CARMIL1: variants seen among roughly 807,000 people sequenced by gnomAD.
CARMIL1 encodes capping protein regulator and myosin 1 linker 1.
CARMIL1 carries 90 observed loss-of-function variants against 177.1 expected under a neutral mutation model. The observed-to-expected ratio is 0.51, with a 90% confidence interval of 0.43 to 0.61. CARMIL1 has a LOEUF of 0.61. Ranked by LOEUF, CARMIL1 falls within the 20% of genes least tolerant of loss-of-function variation. CARMIL1 has a pLI of 0.00. For missense variants in CARMIL1, 1,380 were observed against 1,667.0 expected (o/e 0.83, Z 3.00); for synonymous variants, 577 against 606.2 (o/e 0.95, Z 0.71).
intron 36 of CARMIL1, among the ~76,000 whole-genome samples, chr6:25,613,081 TAAA>T (rs918426403): frequency 2.0e-5 from 3 of 152,224 alleles, no homozygotes; most frequent in Admixed American, 6.5e-5. Flanking sequence ...AATATTGACT[TAAA>T]AATCTAAAAT....
At chr6:25,443,000 T>A (rs1228829740) in intron 5 of CARMIL1, among the ~76,000 whole-genome samples, 1 of 152,212 alleles carries the variant, frequency 6.6e-6, no homozygotes, top group East Asian at 1.9e-4. Context: ...CAGCTTCCGG[T>A]CAAAGATTTT....
intron 8 of CARMIL1, among the ~76,000 whole-genome samples, chr6:25,462,319 C>T (rs1027593365): frequency 6.6e-6 from 1 of 152,142 alleles, no homozygotes; most frequent in African/African-American, 2.4e-5. Context: ...TCTGAGGGCT[C>T]AGTAACATCC....
At chr6:25,581,130 G>A (rs551175381) in intron 30 of CARMIL1, 113 bp from the exon 31 acceptor site, 3 of 1,269,660 alleles carry the variant, frequency 2.4e-6, no homozygotes, top group South Asian at 2.7e-5. Flanking sequence ...CTGTGAATGT[G>A]TGTTTGCTAT....
Position 25,451,906 on chromosome 6 carries a change from A to G in CARMIL1, c.614+1195A>G, listed in dbSNP as rs1439494433. 3.5e-5 allele frequency: 19 copies of G among 541,868 alleles called. 1 individual carries two copies. Among genetic ancestry groups the G allele is most frequent in the Non-Finnish European group, 6.3e-5 (19 of 301,280 alleles). The allele number at this position is 541,868 out of a possible 1,614,324, so 33.6% of individuals were successfully genotyped here. ...GGGAGAGAAATCTGGGATTCCAGCT[A>G]TATCATTTGTGCCATTTGGACAACT... On this transcript the variant is annotated intron_variant, in intron 8 of 36. Coordinates refer to ENST00000329474, the MANE Select transcript of CARMIL1 (RefSeq NM_017640.6).
chr6:25,447,922 G>C (rs1798393361), intron 5 of CARMIL1, among the ~76,000 whole-genome samples: 1 of 151,748 alleles, frequency 6.6e-6, no homozygotes. Context: ...TGCTCCTTCT[G>C]TCCACACTGT....
intron 5 of CARMIL1, among the ~76,000 whole-genome samples, chr6:25,449,664 G>T (rs1309883209): frequency 6.6e-6 from 1 of 152,118 alleles, no homozygotes; most frequent in Non-Finnish European, 1.5e-5. Context: ...ATAACATGGA[G>T]ACTGCATTGC....
chr6:25,581,050 C>A, intron 30 of CARMIL1, 60 bp downstream of exon 30: 1 of 1,513,276 alleles, frequency 6.6e-7, no homozygotes, highest in Non-Finnish European at 9.0e-7. Context: ...TCAGCAAGAC[C>A]TTAGACCATT....
At chr6:25,390,304 ATATATATATATATATATT>A (rs1480581920) in intron 2 of CARMIL1, among the ~76,000 whole-genome samples, 1 of 36,176 alleles carries the variant, frequency 2.8e-5, no homozygotes, top group Non-Finnish European at 7.1e-5. Flanking sequence ...ATATATATAT[ATATATATATATATATATT>A]TTTTTTTTTT....
chr6:25,550,890 T>C lies in CARMIL1; in HGVS notation c.2329-20T>C. 4 of 1,607,880 alleles carry C rather than the reference T, an allele frequency of 2.5e-6. No individual in the cohort carries two copies. Among genetic ancestry groups the C allele is most frequent in the Admixed American group, 3.4e-5 (2 of 59,496 alleles). On this transcript the variant is annotated intron_variant, in intron 26 of 36. Transcript: ENST00000329474. The stretch of plus-strand genomic sequence containing the variant: ...GGTGCAGTGTCATCATCTCTTCCCT[T>C]CACTTGTGCTGCATTGCAGGCGTTG...
chr6:25,462,057 C>A (rs1800166802), intron 8 of CARMIL1, among the ~76,000 whole-genome samples: 1 of 152,022 alleles, frequency 6.6e-6, no homozygotes, highest in African/African-American at 2.4e-5. Context: ...GTTCTTTATG[C>A]ATTTTGGATA....
intron 17 of CARMIL1, chr6:25,507,382 T>C (rs188310469): frequency 0.017 from 2,578 of 152,712 alleles, 54 homozygotes; most frequent in South Asian, 0.1. Context: ...TTTGCTTTTT[T>C]ACATTTTGTA....
intron 2 of CARMIL1, among the ~76,000 whole-genome samples, chr6:25,291,615 C>T (rs1339093279): frequency 1.3e-5 from 2 of 152,102 alleles, no homozygotes; most frequent in African/African-American, 2.4e-5. Flanking sequence ...CAGCCTTGGC[C>T]AGTGGTTTTC....
intron 11 of CARMIL1, among the ~76,000 whole-genome samples, chr6:25,473,097 C>T (rs1396886135): frequency 6.6e-6 from 1 of 152,188 alleles, no homozygotes; most frequent in Non-Finnish European, 1.5e-5. Context: ...CCATGTGACC[C>T]CCCTATCTCA....
chr6:25,307,315 T>C (rs1240706483), intron 2 of CARMIL1, among the ~76,000 whole-genome samples: 1 of 152,248 alleles, frequency 6.6e-6, no homozygotes, highest in Non-Finnish European at 1.5e-5. Flanking sequence ...ACTTACATTA[T>C]GTCATGGAAC....
chr6:25,391,686 C>T (rs900410678), intron 2 of CARMIL1, among the ~76,000 whole-genome samples: 1 of 152,252 alleles, frequency 6.6e-6, no homozygotes, highest in Admixed American at 6.5e-5. Context: ...TCCTTAGTTG[C>T]ACTAACCATA....
chr6:25,572,095 T>G (rs571880344), intron 29 of CARMIL1, among the ~76,000 whole-genome samples: 1 of 152,308 alleles, frequency 6.6e-6, no homozygotes, highest in East Asian at 1.9e-4. Flanking sequence ...TGTATGGTTA[T>G]ATAGGAAAAT....
chr6:25,375,381 G>A (rs367952943), intron 2 of CARMIL1, among the ~76,000 whole-genome samples: 3 of 152,200 alleles, frequency 2.0e-5, no homozygotes, highest in African/African-American at 7.2e-5. Context: ...GTTTTCCCCT[G>A]TAGGTTACCT....
chr6:25,585,636 G>A (rs1325055350), intron 31 of CARMIL1, among the ~76,000 whole-genome samples: 1 of 152,190 alleles, frequency 6.6e-6, no homozygotes, highest in African/African-American at 2.4e-5. Flanking sequence ...GTGGAGGGAA[G>A]GTCAGCAGAT....
chr6:25,464,068 C>A (rs185799261), intron 8 of CARMIL1, among the ~76,000 whole-genome samples: 60 of 152,100 alleles, frequency 3.9e-4, no homozygotes, highest in African/African-American at 1.3e-3. Context: ...GTGATCCGCC[C>A]GTCTCGGCCT....
Sources: allele counts gnomAD v4.1 joint callset (sites outside exome capture counted in the v4.1 genomes callset), GRCh38; gene constraint gnomAD v4.1.1; transcripts MANE v1.5; gene names NCBI Gene and HGNC (gene_info 2026-07-23, HGNC 2026-07-21).